GRM4: variants seen among roughly 807,000 people sequenced by gnomAD.
The protein encoded by GRM4 is metabotropic glutamate receptor 4.
GRM4 carries 28 observed loss-of-function variants against 81.7 expected under a neutral mutation model. The observed-to-expected ratio is 0.34, with a 90% CI of 0.25 to 0.47. The LOEUF (loss-of-function observed/expected upper bound fraction) is 0.47, where lower values mean the gene tolerates loss of function less well. Among genes scored for constraint, GRM4 ranks in the 20% least tolerant of loss-of-function variants. The pLI, the probability that GRM4 is intolerant of heterozygous loss-of-function variation, is 1.00. For missense variants in GRM4, 948 were observed against 1,290.0 expected, an observed-to-expected ratio of 0.73 and a Z score of 4.06; for synonymous variants, 488 against 528.8, an observed-to-expected ratio of 0.92 and a Z score of 1.06.
chr6:34,084,761 C>G (rs1767800236), intron 3 of GRM4, among the ~76,000 whole-genome samples: 1 of 152,218 alleles, frequency 6.6e-6, no homozygotes, highest in Admixed American at 6.5e-5. Flanking sequence ...CCTGTTCATT[C>G]ACACCTCCAG....
intron 2 of GRM4, among the ~76,000 whole-genome samples, chr6:34,116,120 A>T (rs1158299748): frequency 6.6e-6 from 1 of 152,190 alleles, no homozygotes; most frequent in Non-Finnish European, 1.5e-5. Flanking sequence ...CAACCCCCGG[A>T]CTAGAATATG....
At chr6:34,142,943 G>T (rs1462258278) in intron 1 of GRM4, among the ~76,000 whole-genome samples, 1 of 152,166 alleles carries the variant, frequency 6.6e-6, no homozygotes, top group Non-Finnish European at 1.5e-5. Context: ...CGAGCTACAT[G>T]CTGCCACCCC....
At position 34,114,181 on chromosome 6, in the gene GRM4, C is replaced by T. The variant is rs1581711691; in HGVS notation, c.519+18797G>A. Among the ~76,000 whole-genome samples the T allele has an allele frequency of 1.3e-5, 2 of 152,338 alleles. No individual in the cohort carries two copies. The highest frequency in any genetic ancestry group is 2.1e-4 in the South Asian group (1 of 4,830). ...GTCCCCTCCACAGCACCTGTCCCCA[C>T]TCATGTAAGTGATTACATCATGTCT... On this transcript the variant is annotated intron_variant, in intron 2 of 10. Coordinates refer to ENST00000538487, the MANE Select transcript of GRM4 (RefSeq NM_000841.4). This position sits in a 1 kb window ranked among gnomAD's most constrained non-coding sequence, Gnocchi z 4.3.
rs764738822 is a variant in GRM4 at position 34,035,986 on chromosome 6, C to T, written c.2124G>A (p.Ser708=). ...SQLAITFSLI[S]LQLLGICVWF... is the part of the protein sequence containing the mutation. The stretch of plus-strand genomic sequence containing the variant: ...ACACACAGATGCCCAGCAGCTGCAG[C>T]GAGATGAGGCTGAAGGTGATGGCCA... Residue 708 remains serine, a synonymous_variant, in exon 9 of 11, where the codon TCG becomes TCA. Coordinates refer to ENST00000538487, the MANE Select transcript of GRM4 (RefSeq NM_000841.4). This position sits in a 1 kb window ranked among gnomAD's most constrained non-coding sequence, Gnocchi z 6.6. The T allele has an allele frequency of 7.9e-5, 128 of 1,613,512 alleles. No homozygotes were observed. Among genetic ancestry groups the T allele is most frequent in the South Asian group, 4.3e-4 (39 of 91,034 alleles).
intron 6 of GRM4, among the ~76,000 whole-genome samples, chr6:34,046,067 C>T (rs1421281241): frequency 6.6e-6 from 1 of 152,242 alleles, no homozygotes; most frequent in Non-Finnish European, 1.5e-5. Flanking sequence ...CAGAGTCCTT[C>T]TCGTCTCCCC....
chr6:34,059,283 T>TC lies in GRM4; in HGVS notation c.873-156dup. The TC allele has an allele frequency of 1.5e-6, 1 of 687,212 alleles. No individual in the cohort carries two copies. Among genetic ancestry groups the TC allele is most frequent in the Non-Finnish European group, 2.5e-6 (1 of 399,554 alleles). The allele number at this position is 687,212 out of a possible 1,614,324, so 42.6% of individuals were successfully genotyped here. On this transcript the variant is annotated intron_variant, in intron 4 of 10. Transcript: ENST00000538487. This position sits in a 1 kb window ranked among gnomAD's most constrained non-coding sequence, Gnocchi z 5.7. ...GATGCTTTCACCCCAAGCCATGGAT[T>TC]CCCCCTACCCGCTGCCCTCACCTGC...
intron 5 of GRM4, among the ~76,000 whole-genome samples, chr6:34,058,182 G>C (rs1157513052): frequency 6.6e-6 from 1 of 152,096 alleles, no homozygotes; most frequent in Non-Finnish European, 1.5e-5. Context: ...ACGTAGACCC[G>C]GGGGGCAGGT....
chr6:34,056,830 A>C, intron 5 of GRM4, 146 bp from the exon 6 acceptor site: 1 of 882,334 alleles, frequency 1.1e-6, no homozygotes, highest in Non-Finnish European at 1.7e-6. Context: ...AGAAAACAAA[A>C]TGTGGAGCAT....
chr6:34,044,668 A>T (rs1278627207), intron 6 of GRM4, among the ~76,000 whole-genome samples: 1 of 132,140 alleles, frequency 7.6e-6, no homozygotes, highest in African/African-American at 3.6e-5. Flanking sequence ...ACATATATAC[A>T]CAGACACACA....
At chr6:34,098,373 T>A (rs534644562) in intron 2 of GRM4, among the ~76,000 whole-genome samples, 1 of 152,282 alleles carries the variant, frequency 6.6e-6, no homozygotes, top group Non-Finnish European at 1.5e-5. Flanking sequence ...CTCCTGGGCA[T>A]GCCCTCCAGG....
rs73412901 is a variant in GRM4 at position 34,115,550 on chromosome 6, C to A, written c.519+17428G>T. ...GGTTCAGGACCTTGGACAGCAGCCT[C>A]CAGGGGTCTGCCCGAAGACACTCGG... On this transcript the variant is annotated intron_variant, in intron 2 of 10. Transcript: ENST00000538487. The surrounding 1 kb of genome is among the most constrained non-coding windows in gnomAD (Gnocchi z 4.1). 2.0e-5 allele frequency among the ~76,000 whole-genome samples: 3 copies of A among 152,134 alleles called. No homozygotes were observed. The highest frequency in any genetic ancestry group is 2.9e-5 in the Non-Finnish European group (2 of 68,022).
At chr6:34,135,816 T>C (rs777550447) in intron 1 of GRM4, among the ~76,000 whole-genome samples, 5 of 152,362 alleles carry the variant, frequency 3.3e-5, no homozygotes, top group East Asian at 1.9e-4. Context: ...ACGAATCTCA[T>C]GGTCCTGCTG....
Position 34,134,903 on chromosome 6 carries a change from C to A in GRM4, c.-363-1044G>T, listed in dbSNP as rs3756925. On this transcript the variant is annotated intron_variant, in intron 1 of 10. Transcript: ENST00000538487. ...CTGCTAATTTGGGCTAATTTCCCCCCGGGGTTACTTCCCTCACCCCAGCCT... is the reference window on the plus strand; with the variant it reads ...CTGCTAATTTGGGCTAATTTCCCCCAGGGGTTACTTCCCTCACCCCAGCCT... 8.6e-4 allele frequency among the ~76,000 whole-genome samples: 131 copies of A among 152,334 alleles called. 2 individuals carry two copies. The East Asian group carries it at 0.024, about 28-fold the overall frequency.
chr6:34,027,821 G>A (rs1043998776), intron 10 of GRM4, among the ~76,000 whole-genome samples: 3 of 152,224 alleles, frequency 2.0e-5, no homozygotes, highest in Admixed American at 1.3e-4. Flanking sequence ...GGCCTGCCTC[G>A]GGGTGGGGCA....
At chr6:34,096,010 T>C (rs775500368) in intron 2 of GRM4, among the ~76,000 whole-genome samples, 3 of 152,086 alleles carry the variant, frequency 2.0e-5, no homozygotes, top group Non-Finnish European at 4.4e-5. Flanking sequence ...AGGAGAATGC[T>C]CCTCTCCTCT....
Position 34,048,305 on chromosome 6 carries a change from C to G in GRM4, c.1169-7557G>C, listed in dbSNP as rs1288670774. 6.6e-6 allele frequency among the ~76,000 whole-genome samples: 1 copy of G among 152,180 alleles called. No homozygotes were observed. The highest frequency in any genetic ancestry group is 2.4e-5 in the African/African-American group (1 of 41,444). ...CAGGCCCCTCGTCTGTGAAGTAAAGCTGGCACCTGGGACTAGGCAAGGAGA... is the reference window on the plus strand; with the variant it reads ...CAGGCCCCTCGTCTGTGAAGTAAAGGTGGCACCTGGGACTAGGCAAGGAGA... On this transcript the variant is annotated intron_variant, in intron 6 of 10. Coordinates refer to ENST00000538487, the MANE Select transcript of GRM4 (RefSeq NM_000841.4). The surrounding 1 kb of genome is among the most constrained non-coding windows in gnomAD (Gnocchi z 4.0).
At chr6:34,046,983 C>G (rs972530947) in intron 6 of GRM4, among the ~76,000 whole-genome samples, 28 of 152,076 alleles carry the variant, frequency 1.8e-4, no homozygotes, top group African/African-American at 6.8e-4. Context: ...TGTCATGGAC[C>G]AAACAAACAC....
Position 34,022,576 on chromosome 6 carries a change from T to C in GRM4, c.*245A>G, listed in dbSNP as rs1763931334. 5.4e-6 allele frequency: 3 copies of C among 557,218 alleles called. No individual in the cohort carries two copies. Among genetic ancestry groups the C allele is most frequent in the Non-Finnish European group, 9.7e-6 (3 of 309,984 alleles). 34.5% of individuals were successfully genotyped at this position (557,218 alleles called of 1,614,324 possible). On this transcript the variant is annotated 3_prime_UTR_variant, in exon 11 of 11. Transcript: ENST00000538487. This position sits in a 1 kb window ranked among gnomAD's most constrained non-coding sequence, Gnocchi z 5.6. ...TGTGGTTTGGGGCCGGGAGGGGCAATGGTCCAAGACGCAGGTTCTTGTGGT... is the reference window on the plus strand; with the variant it reads ...TGTGGTTTGGGGCCGGGAGGGGCAACGGTCCAAGACGCAGGTTCTTGTGGT...
At chr6:34,100,422 A>T in intron 2 of GRM4, among the ~76,000 whole-genome samples, 1 of 152,176 alleles carries the variant, frequency 6.6e-6, no homozygotes, top group East Asian at 1.9e-4. Context: ...TGCAGGCACT[A>T]CTATCAAAGA....
Sources: allele counts gnomAD v4.1 joint callset (sites outside exome capture counted in the v4.1 genomes callset), GRCh38; gene constraint gnomAD v4.1.1; non-coding constraint Gnocchi (gnomAD v3.1); transcripts MANE v1.5; gene names NCBI Gene and HGNC (gene_info 2026-07-23, HGNC 2026-07-21).